VEZT: variants seen among roughly 807,000 people sequenced by gnomAD.
VEZT encodes vezatin.
A neutral mutation model predicts 79.9 loss-of-function variants in VEZT; 39 were observed. The ratio of observed to expected loss-of-function variants is 0.49; its 90% CI spans 0.38 to 0.64. The LOEUF (loss-of-function observed/expected upper bound fraction) is 0.64. Ranked by LOEUF, VEZT falls within the 30% of genes least tolerant of loss-of-function variation. The pLI is 0.00. For synonymous variants in VEZT, 325 were observed against 327.6 expected (o/e 0.99, Z 0.09); for missense variants, 837 against 893.1 (o/e 0.94, Z 0.80).
At chr12:95,288,893 A>G (rs1352848507) in intron 9 of VEZT, among the ~76,000 whole-genome samples, 1 of 151,964 alleles carries the variant, frequency 6.6e-6, no homozygotes, top group Non-Finnish European at 1.5e-5. Flanking sequence ...ACAAATAGAA[A>G]CACTCAGAAG....
intron 1 of VEZT, among the ~76,000 whole-genome samples, chr12:95,236,649 C>T (rs2060239749): frequency 1.3e-5 from 2 of 151,574 alleles, no homozygotes; most frequent in African/African-American, 4.9e-5. Flanking sequence ...TGGCTCACTG[C>T]ACCCTCCACC....
intron 7 of VEZT, 26 bp downstream of exon 7, chr12:95,274,915 C>T (rs755604771): frequency 3.1e-6 from 5 of 1,602,186 alleles, no homozygotes; most frequent in Non-Finnish European, 4.3e-6. Flanking sequence ...AAGGGAAGGG[C>T]TGAAGAAAAA....
intron 2 of VEZT, 21 bp downstream of exon 2, chr12:95,252,092 T>C (rs1319046983): frequency 1.3e-6 from 2 of 1,595,256 alleles, no homozygotes; most frequent in East Asian, 2.2e-5. Context: ...ATGCTCATTC[T>C]TTCTGGCCGA....
At chr12:95,294,982 C>T (rs568048283) in intron 10 of VEZT, among the ~76,000 whole-genome samples, 80 of 152,204 alleles carry the variant, frequency 5.3e-4, no homozygotes, top group African/African-American at 1.8e-3. Context: ...TTGAATGATG[C>T]TAGGGTAAAC....
intron 1 of VEZT, among the ~76,000 whole-genome samples, chr12:95,247,295 T>C (rs955444013): frequency 2.0e-5 from 3 of 152,250 alleles, no homozygotes; most frequent in Non-Finnish European, 4.4e-5. Flanking sequence ...AAAATACTTC[T>C]GGCTTTCCAA....
At chr12:95,292,098 C>G (rs956030992) in intron 9 of VEZT, among the ~76,000 whole-genome samples, 2 of 152,166 alleles carry the variant, frequency 1.3e-5, no homozygotes, top group Admixed American at 6.5e-5. Context: ...CCACATCCGG[C>G]CTCTTGCTAG....
intron 1 of VEZT, among the ~76,000 whole-genome samples, chr12:95,227,391 A>C (rs1039848727): frequency 1.3e-4 from 18 of 135,730 alleles, no homozygotes. Context: ...CCCAGGCTGG[A>C]GTGCAATGGC....
At chr12:95,286,564 T>A in intron 8 of VEZT, 1 of 488,006 alleles carries the variant, frequency 2.0e-6, no homozygotes, top group Non-Finnish European at 4.0e-6. Flanking sequence ...CACTGCCAGA[T>A]AAAGGTTTTC....
chr12:95,281,072 T>G (rs1475067741), intron 7 of VEZT, among the ~76,000 whole-genome samples: 1 of 152,212 alleles, frequency 6.6e-6, no homozygotes, highest in African/African-American at 2.4e-5. Context: ...GAATCTAAAT[T>G]ACCCAAAGTG....
At chr12:95,282,674 C>T (rs750369165) in intron 8 of VEZT, 30 bp downstream of exon 8, 19 of 1,536,254 alleles carry the variant, frequency 1.2e-5, no homozygotes, top group Non-Finnish European at 1.7e-5. Flanking sequence ...CAAGAAAGGT[C>T]TCGGTAATTA....
At chr12:95,228,265 C>A (rs2058770553) in intron 1 of VEZT, among the ~76,000 whole-genome samples, 1 of 152,178 alleles carries the variant, frequency 6.6e-6, no homozygotes, top group Non-Finnish European at 1.5e-5. Flanking sequence ...AAATTTCTCT[C>A]TTCCTCGAGA....
In VEZT at chr12:95,276,416, C is replaced by T. The variant is rs148266003; in HGVS notation, c.996+1527C>T. Among the ~76,000 whole-genome samples the T allele has an allele frequency of 2.5e-3, 373 of 151,656 alleles. 2 individuals carry two copies. The highest frequency in any genetic ancestry group is 4.2e-3 in the Non-Finnish European group (286 of 67,846). On this transcript the variant is annotated intron_variant, in intron 7 of 11. Transcript: ENST00000436874. The stretch of plus-strand genomic sequence containing the variant: ...TCCCGAGTAGCTGGGACTACAGTTA[C>T]ATGCCTCCACACCCGGCTAATTTTT...
chr12:95,245,380 CAG>C (rs1453675024), intron 1 of VEZT: 1 of 373,184 alleles, frequency 2.7e-6, no homozygotes, highest in Non-Finnish European at 5.2e-6. Flanking sequence ...TTTCTGGAAA[CAG>C]AGCATACCTA....
intron 1 of VEZT, among the ~76,000 whole-genome samples, chr12:95,219,012 A>C (rs1310096881): frequency 6.6e-6 from 1 of 152,144 alleles, no homozygotes; most frequent in Admixed American, 6.5e-5. Context: ...AAGCAGTGGA[A>C]AATGTGGCCA....
chr12:95,282,630 A>G lies in VEZT; in HGVS notation c.1314A>G (p.Lys438=). The G allele has an allele frequency of 1.3e-6, 2 of 1,599,938 alleles. No homozygotes were observed. The highest frequency in any genetic ancestry group is 1.3e-5 in the African/African-American group (1 of 74,564). ...TAVRSLQLHL[K]ALLNEVIILE... ...TGCGTAGCTTGCAGCTCCATCTGAA[A>G]GCATTACTGAATGAGTAAGTTTAGA... Residue 438 remains lysine, a synonymous_variant, in exon 8 of 12, where the codon AAA becomes AAG. Transcript: ENST00000436874.
intron 1 of VEZT, among the ~76,000 whole-genome samples, chr12:95,247,650 T>C (rs2061906985): frequency 6.6e-6 from 1 of 152,162 alleles, no homozygotes; most frequent in African/African-American, 2.4e-5. Context: ...ATTTTTAAGA[T>C]TATAAGGAGA....
intron 8 of VEZT, among the ~76,000 whole-genome samples, chr12:95,284,006 G>A (rs77681247): frequency 0.09 from 13,721 of 152,196 alleles, 679 homozygotes; most frequent in Admixed American, 0.12. Context: ...AGAAATATAC[G>A]GCGCATATTA....
intron 1 of VEZT, among the ~76,000 whole-genome samples, chr12:95,246,594 A>C (rs1453074587): frequency 3.8e-4 from 58 of 152,200 alleles, no homozygotes; most frequent in Admixed American, 3.7e-3. Context: ...CACCAGAACA[A>C]TCTTAGCACA....
At chr12:95,276,690 T>C (rs1175831673) in intron 7 of VEZT, among the ~76,000 whole-genome samples, 1 of 152,202 alleles carries the variant, frequency 6.6e-6, no homozygotes. Flanking sequence ...ACCGTGAAAA[T>C]TAGTGCAAGT....
Sources: gnomAD v4.1 joint callset for allele counts (sites outside exome capture counted in the v4.1 genomes callset) on GRCh38, gnomAD v4.1.1 for gene constraint, MANE v1.5 for transcripts, NCBI Gene and HGNC (gene_info 2026-07-23, HGNC 2026-07-21) for gene names.